ITFG2: variants seen among roughly 807,000 people sequenced by gnomAD.
ITFG2 encodes the protein KICSTOR complex protein ITFG2.
Under a neutral mutation model 54.4 loss-of-function variants are expected in ITFG2, and 36 were observed. That is an observed-to-expected ratio of 0.66 (90% CI 0.51 to 0.87). ITFG2 has a LOEUF of 0.87. Ranked by LOEUF, ITFG2 falls within the 40% of genes least tolerant of loss-of-function variation. The probability of loss-of-function intolerance (pLI) is 0.00; values close to 1 mark genes in which losing one functional copy is unlikely to be tolerated. For missense variants in ITFG2, 524 were observed against 576.7 expected, an observed-to-expected ratio of 0.91 and a Z score of 0.94; for synonymous variants, 211 against 225.4, an observed-to-expected ratio of 0.94 and a Z score of 0.57.
chr12:2,846,903 T>C (rs893261554), intron 2 of ITFG2, among the ~76,000 whole-genome samples: 3 of 152,116 alleles, frequency 2.0e-5, no homozygotes, highest in Non-Finnish European at 2.9e-5. Flanking sequence ...TTAGATGAAA[T>C]TCACATAACA....
rs1340666228 is a variant in ITFG2 at position 2,855,568 on chromosome 12, C to T, written n.301-2444C>T. 6 of 731,172 alleles carry T rather than the reference C, an allele frequency of 8.2e-6. No homozygotes were observed. The East Asian group carries it at 9.1e-5, about 11-fold the overall frequency. 45.3% of individuals were successfully genotyped at this position (731,172 alleles called of 1,614,324 possible). On this transcript the variant is annotated intron_variant and non_coding_transcript_variant, in intron 2 of 3. Transcript: ENST00000537710. The stretch of plus-strand genomic sequence containing the variant: ...TGCCAGCCCAGGATTCTCATGAGGA[C>T]GCAGAAGTCCTGGCAGGGCCGCATC...
downstream of ITFG2, chr12:2,825,512 G>C (rs1402505092): frequency 6.6e-6 from 1 of 152,520 alleles, no homozygotes; most frequent in Admixed American, 6.5e-5. Context: ...GGCGAGGAAA[G>C]CTTTTAGGAT....
chr12:2,855,434 T>G, intron 2 of ITFG2: 1 of 1,467,914 alleles, frequency 6.8e-7, no homozygotes, highest in Non-Finnish European at 9.0e-7. Flanking sequence ...AGGGACTCGC[T>G]GGCCTGGACC....
intron 2 of ITFG2, chr12:2,857,150 C>T (rs1306466440): frequency 5.8e-6 from 4 of 695,230 alleles, no homozygotes; most frequent in Non-Finnish European, 1.1e-5. Flanking sequence ...AGGCCCTCAC[C>T]TGTCCCTGGA....
chr12:2,820,040 G>T, intron 4 of ITFG2, 46 bp from the exon 5 acceptor site: 1 of 1,566,668 alleles, frequency 6.4e-7, no homozygotes, highest in Non-Finnish European at 8.6e-7. Flanking sequence ...AGGAGCGGGG[G>T]CTGCTCGTGG....
Position 2,830,737 on chromosome 12 carries a change from C to G in ITFG2, c.*60-97C>G, listed in dbSNP as rs760208803. ...CAGTTGACCAGAAGAGCTGGAATCT[C>G]TGTCCTGCTGGTCTTCCTCCTGCTC... On this transcript the variant is annotated intron_variant and NMD_transcript_variant, in intron 2 of 2. Transcript: ENST00000538822. The G allele has an allele frequency of 1.2e-4, 186 of 1,613,372 alleles. No individual in the cohort carries two copies. Among genetic ancestry groups the G allele is most frequent in the Non-Finnish European group, 1.5e-4 (174 of 1,179,740 alleles).
intron 4 of ITFG2, 29 bp downstream of exon 4, chr12:2,818,306 A>G (rs767174094): frequency 5.0e-6 from 8 of 1,607,192 alleles, no homozygotes; most frequent in Non-Finnish European, 6.8e-6. Flanking sequence ...GCAGGCAGCC[A>G]GGAGAGTAGG....
upstream of ITFG2, among the ~76,000 whole-genome samples, chr12:2,834,239 T>G (rs1252961858): frequency 6.6e-6 from 1 of 152,146 alleles, no homozygotes; most frequent in Non-Finnish European, 1.5e-5. Flanking sequence ...TAGACAGACC[T>G]GGTCTGGGGA....
chr12:2,836,165 A>G (rs550834237), upstream of ITFG2, among the ~76,000 whole-genome samples: 1 of 152,382 alleles, frequency 6.6e-6, no homozygotes, highest in Admixed American at 6.5e-5. Context: ...GGGGCATCCC[A>G]TATACAGCTT....
intron 1 of ITFG2, among the ~76,000 whole-genome samples, chr12:2,840,319 G>A (rs2098038007): frequency 6.6e-6 from 1 of 151,902 alleles, no homozygotes; most frequent in Non-Finnish European, 1.5e-5. Context: ...TGGGTGTGGT[G>A]GCTCATGCCT....
chr12:2,855,994 G>A (rs538885369), intron 2 of ITFG2, among the ~76,000 whole-genome samples: 3 of 152,132 alleles, frequency 2.0e-5, no homozygotes, highest in Non-Finnish European at 2.9e-5. Flanking sequence ...TCATTAAAAC[G>A]CTAGTATAGA....
At position 2,821,777 on chromosome 12, in the gene ITFG2, G is replaced by A. The variant is rs780169218; in HGVS notation, c.933G>A (p.Glu311=). 3.1e-6 allele frequency: 5 copies of A among 1,613,746 alleles called. No homozygotes were observed. The African/African-American group carries it at 4.0e-5, about 13-fold the overall frequency. Residue 311 remains glutamate (E), a synonymous_variant, in exon 9 of 12, where the codon GAG becomes GAA. Transcript: ENST00000228799. ...VQVDHQLFAL[E]KLDVTGNGHE... is the part of the protein sequence containing the mutation. ...TGGATCACCAGCTCTTTGCCCTGGA[G>A]AAACTGGATGTCACCGTGAGTGGAA...
At chr12:2,852,556 C>CG (rs1565450095) in intron 2 of ITFG2, among the ~76,000 whole-genome samples, 1 of 151,960 alleles carries the variant, frequency 6.6e-6, no homozygotes, top group East Asian at 1.9e-4. Context: ...TTTGTGGAGA[C>CG]GGGGTCTCAT....
At chr12:2,852,492 A>T (rs184954098) in intron 2 of ITFG2, among the ~76,000 whole-genome samples, 2 of 151,924 alleles carry the variant, frequency 1.3e-5, no homozygotes, top group East Asian at 3.9e-4. Flanking sequence ...TCAGCCTCCC[A>T]TGTAGCTGGG....
In ITFG2 at chr12:2,841,402, A is replaced by G. The variant is rs2098040800; in HGVS notation, n.300+407A>G. 2.0e-5 allele frequency among the ~76,000 whole-genome samples: 3 copies of G among 152,232 alleles called. 1 individual carries two copies. In the South Asian group the frequency reaches 6.2e-4, roughly 32 times the overall value. On this transcript the variant is annotated intron_variant and non_coding_transcript_variant, in intron 2 of 3. Coordinates refer to the ITFG2 transcript ENST00000537710. ...TGAAGGGGCAGAGAAGGGCTTAAAAAGGAAGGCTCCCTTGGCCTTCCAGCT... is the reference window on the plus strand; with the variant it reads ...TGAAGGGGCAGAGAAGGGCTTAAAAGGGAAGGCTCCCTTGGCCTTCCAGCT...
At chr12:2,848,866 G>GACACACGCACACACAC (rs760263659) in intron 2 of ITFG2, among the ~76,000 whole-genome samples, 2 of 115,766 alleles carry the variant, frequency 1.7e-5, no homozygotes, top group African/African-American at 6.9e-5. Context: ...CACCCCAACA[G>GACACACGCACACACAC]ACACACACAC....
chr12:2,814,288 T>G (rs1171393045), intron 1 of ITFG2, among the ~76,000 whole-genome samples: 1 of 152,242 alleles, frequency 6.6e-6, no homozygotes, highest in East Asian at 1.9e-4. Flanking sequence ...CAGATATACA[T>G]TATTTTCCAT....
At chr12:2,837,350 C>A (rs549171115) in intron 1 of ITFG2, among the ~76,000 whole-genome samples, 45 of 152,268 alleles carry the variant, frequency 3.0e-4, no homozygotes, top group African/African-American at 1.0e-3. Flanking sequence ...CGGTGGCAGG[C>A]GCCTGTAGTC....
In ITFG2 at chr12:2,818,536, G is replaced by A. The variant is rs142119825; in HGVS notation, c.406+259G>A. On this transcript the variant is annotated intron_variant, in intron 4 of 11. Coordinates refer to ENST00000228799, the MANE Select transcript of ITFG2 (RefSeq NM_018463.4). The stretch of plus-strand genomic sequence containing the variant: ...ATATAGGCTAGGTGTGCTGCCTCTC[G>A]CCTGTGATACCAACGCTTTGGGAGG... 1.6e-3 allele frequency: 869 copies of A among 537,222 alleles called. 9 individuals carry two copies. The highest frequency in any genetic ancestry group is 0.015 in the African/African-American group (764 of 52,186). 33.3% of individuals were successfully genotyped at this position (537,222 alleles called of 1,614,324 possible). A position where few individuals can be genotyped will look rare whatever the true frequency, so the allele number is the denominator to read the frequency against.
Sources: gnomAD v4.1 joint callset for allele counts (sites outside exome capture counted in the v4.1 genomes callset) on GRCh38, gnomAD v4.1.1 for gene constraint, MANE v1.5 for transcripts, NCBI Gene and HGNC (gene_info 2026-07-23, HGNC 2026-07-21) for gene names.